SIRT6: variants seen among roughly 807,000 people sequenced by gnomAD.
SIRT6 encodes the protein sirtuin 6, also known as NAD-dependent protein deacylase sirtuin-6.
In SIRT6, 21 loss-of-function variants were observed where a neutral mutation model predicts 33.6. The ratio of observed to expected loss-of-function variants is 0.62; its 90% confidence interval spans 0.44 to 0.90. The LOEUF is 0.90. Among genes scored for constraint, SIRT6 ranks in the 40% least tolerant of loss-of-function variants. The probability of loss-of-function intolerance (pLI) is 0.00; values close to 1 mark genes in which losing one functional copy is unlikely to be tolerated. For missense variants in SIRT6, 504 were observed against 510.6 expected (o/e 0.99, Z 0.12); for synonymous variants, 221 against 223.9 (o/e 0.99, Z 0.12).
intron 4 of SIRT6, among the ~76,000 whole-genome samples, chr19:4,176,827 G>A (rs1431855252): frequency 1.3e-5 from 2 of 152,080 alleles, no homozygotes; most frequent in East Asian, 3.9e-4. Context: ...AGCAGTGCCA[G>A]GACACGGATG....
At chr19:4,182,417 G>A in intron 1 of SIRT6, 57 bp downstream of exon 1, 2 of 1,547,524 alleles carry the variant, frequency 1.3e-6, no homozygotes, top group Middle Eastern at 1.7e-4. Flanking sequence ...CTGCCATCCG[G>A]CCGCTCCCAG....
At chr19:4,177,224 C>A in intron 3 of SIRT6, 86 bp from the exon 4 acceptor site, 2 of 1,321,836 alleles carry the variant, frequency 1.5e-6, no homozygotes, top group Non-Finnish European at 2.2e-6. Flanking sequence ...CCCCTCTCCT[C>A]CAGGAAGGCT....
Position 4,178,913 on chromosome 19 carries a change from C to T in SIRT6, c.377+191G>A, listed in dbSNP as rs186349020. Among the ~76,000 whole-genome samples the T allele has an allele frequency of 5.3e-3, 808 of 152,318 alleles. 4 individuals are homozygous for T. The highest frequency in any genetic ancestry group is 7.8e-3 in the Non-Finnish European group (530 of 68,034). ...AGCTCTCCTCCCCTTAGCCCCATCT[C>T]GAGGGAAATTCTGCCTCTGGCCTCA... is the stretch of plus-strand genomic sequence containing the variant. On this transcript the variant is annotated intron_variant, in intron 3 of 7. Transcript: ENST00000337491.
chr19:4,175,417 G>A (rs913879277), intron 6 of SIRT6: 19 of 628,288 alleles, frequency 3.0e-5, no homozygotes, highest in South Asian at 4.1e-5. Context: ...ACCCTGGCTC[G>A]GTCACCTCCC....
chr19:4,178,834 G>A (rs1967455980), intron 3 of SIRT6, among the ~76,000 whole-genome samples: 1 of 152,106 alleles, frequency 6.6e-6, no homozygotes, highest in African/African-American at 2.4e-5. Flanking sequence ...ACGAAACTCG[G>A]TCTCAAAAAC....
chr19:4,176,987 TC>T (rs2145165267), intron 4 of SIRT6, 91 bp downstream of exon 4: 5 of 961,492 alleles, frequency 5.2e-6, no homozygotes, highest in Non-Finnish European at 5.9e-6. Context: ...CACACCCCAG[TC>T]CCCCCATACC....
In SIRT6 at chr19:4,174,620, G is replaced by A; in HGVS notation, c.1065C>T (p.Ser355=). 1 of 1,436,156 alleles carries A rather than the reference G, an allele frequency of 7.0e-7. No homozygotes were observed. The highest frequency in any genetic ancestry group is 9.2e-7 in the Non-Finnish European group (1 of 1,091,720). 89.0% of individuals were successfully genotyped at this position (1,436,156 alleles called of 1,614,324 possible). A position where few individuals can be genotyped will look rare whatever the true frequency, so the allele number is the denominator to read the frequency against. The change falls in exon 8 of 8, where the codon AGC becomes AGT. Residue 355 remains serine (S), a synonymous_variant. Coordinates refer to ENST00000337491, the MANE Select transcript of SIRT6 (RefSeq NM_016539.4). The surrounding 1 kb of genome is among the most constrained non-coding windows in gnomAD (Gnocchi z 4.2). ...PKRVKAKAVP[S] is the part of the protein sequence containing the mutation. ...CCACCCTCCCCAAGCACCCTGGTCA[G>A]CTGGGGACCGCCTTGGCCTTCACCC...
intron 4 of SIRT6, among the ~76,000 whole-genome samples, chr19:4,176,710 G>C (rs1967323606): frequency 6.6e-6 from 1 of 152,210 alleles, no homozygotes; most frequent in Non-Finnish European, 1.5e-5. Context: ...ACAGGTTGCA[G>C]AGGGGCATGG....
chr19:4,174,416 G>T lies in SIRT6; in HGVS notation c.*201C>A. Reference sequence around the variant, plus strand: ...CAGGGGCTCACCTGTCACCTCTGGGGTGTGGCTTCTTCCCGGAACCGCACC... The same window carrying T: ...CAGGGGCTCACCTGTCACCTCTGGGTTGTGGCTTCTTCCCGGAACCGCACC... On this transcript the variant is annotated 3_prime_UTR_variant, in exon 8 of 8. Transcript: ENST00000337491. The surrounding 1 kb of genome is among the most constrained non-coding windows in gnomAD (Gnocchi z 4.2). 1 of 461,002 alleles carries T rather than the reference G, an allele frequency of 2.2e-6. No homozygotes were observed. The highest frequency in any genetic ancestry group is 3.4e-5 in the East Asian group (1 of 29,044). The allele number at this position is 461,002 out of a possible 1,614,324, so 28.6% of individuals were successfully genotyped here.
intron 1 of SIRT6, 64 bp downstream of exon 1, chr19:4,182,410 C>A: frequency 2.0e-6 from 3 of 1,514,202 alleles, no homozygotes; most frequent in Non-Finnish European, 2.7e-6. Context: ...TGCCCCCCTG[C>A]CATCCGGCCG....
intron 1 of SIRT6, 117 bp downstream of exon 1, chr19:4,182,357 C>T: frequency 9.6e-7 from 1 of 1,045,758 alleles, no homozygotes; most frequent in Non-Finnish European, 1.3e-6. Flanking sequence ...ACTGGGAAGT[C>T]CCTCCCATTG....
chr19:4,179,455 G>T, intron 2 of SIRT6, 169 bp from the exon 3 acceptor site: 1 of 683,990 alleles, frequency 1.5e-6, no homozygotes, highest in Non-Finnish European at 2.4e-6. Context: ...AGGGTGAGTT[G>T]CAAGAACAGG....
rs1165310150 is a variant in SIRT6, at chr19:4,175,709, C to T, written c.585G>A (p.Arg195=). ...TGGCCTCATCGGCGAGTGCCAGGTC[C>T]CGGTCGGGCAGGGAGTCCTCCCAGT... ...ILDWEDSLPD[R]DLALADEASR... is the part of the protein sequence containing the mutation. The change falls in exon 6 of 8, where the codon CGG becomes CGA. Residue 195 remains arginine, a synonymous_variant. Coordinates refer to ENST00000337491, the MANE Select transcript of SIRT6 (RefSeq NM_016539.4). 6.3e-7 allele frequency: 1 copy of T among 1,583,342 alleles called. No individual in the cohort carries two copies. Among genetic ancestry groups the T allele is most frequent in the African/African-American group, 1.3e-5 (1 of 74,454 alleles).
At position 4,174,481 on chromosome 19, in the gene SIRT6, G is replaced by A. The variant is rs201252427; in HGVS notation, c.*136C>T. 3.7e-6 allele frequency: 3 copies of A among 816,528 alleles called. No homozygotes were observed. Among genetic ancestry groups the A allele is most frequent in the Non-Finnish European group, 5.3e-6 (3 of 571,116 alleles). The allele number at this position is 816,528 out of a possible 1,614,324, so 50.6% of individuals were successfully genotyped here. ...CCCAGGGAGGGACCACGGAGGGCAG[G>A]TGTAACCCCTGGCCTGGAGCACAGC... is the stretch of plus-strand genomic sequence containing the variant. On this transcript the variant is annotated 3_prime_UTR_variant, in exon 8 of 8. Coordinates refer to ENST00000337491, the MANE Select transcript of SIRT6 (RefSeq NM_016539.4). This position sits in a 1 kb window ranked among gnomAD's most constrained non-coding sequence, Gnocchi z 4.2.
intron 3 of SIRT6, among the ~76,000 whole-genome samples, chr19:4,177,781 A>G (rs925837108): frequency 2.6e-5 from 4 of 151,746 alleles, no homozygotes; most frequent in Admixed American, 1.3e-4. Context: ...TAGTAGAGAC[A>G]GGGTTTCACC....
chr19:4,181,631 A>G (rs987196665), intron 1 of SIRT6, among the ~76,000 whole-genome samples: 3 of 152,146 alleles, frequency 2.0e-5, no homozygotes, highest in African/African-American at 7.2e-5. Context: ...TACTAAAAAT[A>G]CAAAAATTAG....
At chr19:4,178,885 G>A (rs571116248) in intron 3 of SIRT6, among the ~76,000 whole-genome samples, 6 of 152,160 alleles carry the variant, frequency 3.9e-5, no homozygotes, top group Non-Finnish European at 5.9e-5. Flanking sequence ...TCTAGACCCT[G>A]ACAGCTCTCC....
Position 4,175,692 on chromosome 19 carries a change from T to G in SIRT6, c.602A>C (p.Asp201Ala), listed in dbSNP as rs1468375957. Reference protein sequence around the residue: ...SLPDRDLALADEASRNADLSI... With the variant: ...SLPDRDLALAAEASRNADLSI... ...TGGGGGGTCAGACCTGCTGGCCTCA[T>G]CGGCGAGTGCCAGGTCCCGGTCGGG... Residue 201 changes from aspartate (D) to alanine (A), a missense_variant, in exon 6 of 8, where the codon GAT becomes GCT. By Grantham distance (126) the Asp-to-Ala change is moderately radical. Transcript: ENST00000337491. 6.4e-7 allele frequency: 1 copy of G among 1,567,890 alleles called. No homozygotes were observed. The highest frequency in any genetic ancestry group is 1.2e-5 in the South Asian group (1 of 84,474).
At chr19:4,181,650 G>T (rs1967678457) in intron 1 of SIRT6, among the ~76,000 whole-genome samples, 2 of 152,150 alleles carry the variant, frequency 1.3e-5, no homozygotes. Flanking sequence ...AGCCAGGCGT[G>T]GTGGCAGGTG....
Sources: allele counts gnomAD v4.1 joint callset (sites outside exome capture counted in the v4.1 genomes callset), GRCh38; gene constraint gnomAD v4.1.1; non-coding constraint Gnocchi (gnomAD v3.1); transcripts MANE v1.5; gene names NCBI Gene and HGNC (gene_info 2026-07-23, HGNC 2026-07-21).